The following TMPRSS9 variants were observed in gnomAD, a reference collection of about 807,000 sequenced individuals.
The protein encoded by TMPRSS9 is transmembrane protease serine 9.
Under a neutral mutation model 111.4 loss-of-function variants are expected in TMPRSS9, and 113 were observed. That is an observed-to-expected ratio of 1.01 (90% CI 0.87 to 1.19). TMPRSS9 has a LOEUF of 1.19. TMPRSS9 is among the 50% of genes most tolerant of loss of function. The probability of loss-of-function intolerance (pLI) is 0.00; values close to 1 mark genes in which losing one functional copy is unlikely to be tolerated. For synonymous variants in TMPRSS9, 805 were observed against 659.1 expected, an observed-to-expected ratio of 1.22 and a Z score of -3.39; for missense variants, 1,803 against 1,513.1, an observed-to-expected ratio of 1.19 and a Z score of -3.18.
intron 7 of TMPRSS9, 42 bp downstream of exon 8, chr19:2,405,587 T>C: frequency 2.0e-6 from 3 of 1,466,504 alleles, no homozygotes; most frequent in Non-Finnish European, 2.7e-6. Context: ...ACCCTCTGTA[T>C]TTCTCCTGCC....
chr19:2,388,216 A>T (rs1970515131), upstream of TMPRSS9, among the ~76,000 whole-genome samples: 1 of 151,776 alleles, frequency 6.6e-6, no homozygotes, highest in African/African-American at 2.4e-5. Flanking sequence ...GCATAGGAAG[A>T]CTCCCTCTCT....
At chr19:2,406,225 A>G (rs1400245533) in intron 7 of TMPRSS9, among the ~76,000 whole-genome samples, 3 of 149,838 alleles carry the variant, frequency 2.0e-5, no homozygotes, top group African/African-American at 4.9e-5. Context: ...TCACCATGTT[A>G]GTCAGGATGG....
At chr19:2,382,591 T>G (rs890629896) in intron 1 of TMPRSS9, among the ~76,000 whole-genome samples, 6 of 115,710 alleles carry the variant, frequency 5.2e-5, no homozygotes, top group Admixed American at 2.8e-4. Flanking sequence ...CAGATGCACA[T>G]GCACACACAC....
chr19:2,380,961 C>G (rs72989436), intron 1 of TMPRSS9, among the ~76,000 whole-genome samples: 2,568 of 152,212 alleles, frequency 0.017, 34 homozygotes, highest in Non-Finnish European at 0.026. Flanking sequence ...ACTCATCACT[C>G]TCTCAGAAAA....
At chr19:2,371,958 T>G (rs2145247628) in intron 1 of TMPRSS9, among the ~76,000 whole-genome samples, 1 of 152,284 alleles carries the variant, frequency 6.6e-6, no homozygotes, top group African/African-American at 2.4e-5. Flanking sequence ...TTCATGATTT[T>G]GGTGCGATCT....
rs748012323 is a variant in TMPRSS9 at position 2,418,027 on chromosome 19, G to A, written c.2043G>A (p.Lys681=). Residue 681 remains lysine, a synonymous_variant, in exon 13 of 18, where the codon AAG becomes AAA. Transcript: ENST00000648592. ...CCACCAAGCCCGAGCTCCTGCAGAA[G>A]GCGTCCGTGGGCATCATAGACCAGA... The A allele has an allele frequency of 3.3e-5, 53 of 1,611,634 alleles. No individual in the cohort carries two copies. In the Middle Eastern group the frequency reaches 2.8e-3, roughly 85 times the overall value.
At chr19:2,392,737 CTG>C (rs1446355647) in intron 1 of TMPRSS9, among the ~76,000 whole-genome samples, 3 of 152,102 alleles carry the variant, frequency 2.0e-5, no homozygotes, top group Non-Finnish European at 4.4e-5. Context: ...AATAAGCACT[CTG>C]TGTCTAGCTC....
At chr19:2,396,718 GC>G (rs1435100772) in intron 2 of TMPRSS9, 52 bp downstream of exon 3, 1 of 1,559,206 alleles carries the variant, frequency 6.4e-7, no homozygotes, top group Admixed American at 1.8e-5. Flanking sequence ...GTGGCCGGGG[GC>G]TTTGACCTGG....
chr19:2,406,764 A>T (rs1970978316), intron 7 of TMPRSS9, among the ~76,000 whole-genome samples: 1 of 147,018 alleles, frequency 6.8e-6, no homozygotes, highest in South Asian at 2.2e-4. Context: ...CATTTTTTGC[A>T]TTCACTTTGA....
intron 14 of TMPRSS9, 22 bp from the exon 16 acceptor site, chr19:2,424,067 C>T: frequency 1.6e-6 from 2 of 1,260,558 alleles, no homozygotes; most frequent in East Asian, 3.2e-5. Flanking sequence ...TCCGCCTGCC[C>T]ACGCGCCTGG....
intron 1 of TMPRSS9, among the ~76,000 whole-genome samples, chr19:2,377,448 TTCTCC>T (rs1970345670): frequency 1.0e-5 from 1 of 99,942 alleles, no homozygotes; most frequent in South Asian, 3.7e-4. Flanking sequence ...CTTTCTTTCC[TTCTCC>T]CCTCCCCTCT....
chr19:2,403,714 C>T (rs1970904925), intron 6 of TMPRSS9, among the ~76,000 whole-genome samples: 1 of 151,178 alleles, frequency 6.6e-6, no homozygotes, highest in Admixed American at 6.6e-5. Flanking sequence ...AAAAAATTGG[C>T]CAGGCACGGT....
chr19:2,395,127 A>C lies in TMPRSS9; in HGVS notation c.143-1412A>C, dbSNP rs1970680479. Among the ~76,000 whole-genome samples the C allele has an allele frequency of 2.0e-5, 3 of 152,268 alleles. No homozygotes were observed. The South Asian group carries it at 6.2e-4, about 32-fold the overall frequency. ...GAAACCCCATCTCTGCTAAAAATAC[A>C]AAAATTAACGCTGGGTGCAGTGGCT... On this transcript the variant is annotated intron_variant, in intron 1 of 17. Transcript: ENST00000648592.
At chr19:2,405,352 C>T in intron 6 of TMPRSS9, 22 bp from the exon 8 acceptor site, 1 of 1,576,756 alleles carries the variant, frequency 6.3e-7, no homozygotes, top group Non-Finnish European at 8.6e-7. Context: ...GGGGTCATGG[C>T]TGGTGACCTG....
chr19:2,424,947 CG>C lies in TMPRSS9; in HGVS notation c.2718-50del. 4.3e-6 allele frequency: 6 copies of C among 1,395,952 alleles called. No individual in the cohort carries two copies. The South Asian group carries it at 9.3e-5, about 22-fold the overall frequency. 86.5% of individuals were successfully genotyped at this position (1,395,952 alleles called of 1,614,324 possible). The stretch of plus-strand genomic sequence containing the variant: ...CGGCCGCTGGGGGACACCACAGGGG[CG>C]GGGGCCGGGGGCGTGGGGGCTCGGG... On this transcript the variant is annotated intron_variant, in intron 15 of 17. Coordinates refer to ENST00000648592, the Ensembl canonical transcript of TMPRSS9.
At chr19:2,422,954 G>A (rs1360377277) in intron 14 of TMPRSS9, among the ~76,000 whole-genome samples, 3 of 152,000 alleles carry the variant, frequency 2.0e-5, no homozygotes, top group Non-Finnish European at 4.4e-5. Context: ...CTACTGGGGA[G>A]GCTGAGACAG....
upstream of TMPRSS9, among the ~76,000 whole-genome samples, chr19:2,387,305 G>A (rs1464330276): frequency 3.3e-5 from 5 of 152,106 alleles, no homozygotes; most frequent in East Asian, 5.8e-4. Flanking sequence ...GACCAGCCTG[G>A]CCAACATGGC....
chr19:2,405,416 T>G (rs1380538579), exon 7 of TMPRSS9: 1 of 1,607,112 alleles, frequency 6.2e-7, no homozygotes. Flanking sequence ...GGCAGGATCG[T>G]GGGCGGCATG....
At chr19:2,420,276 T>TA (rs925528896) in intron 13 of TMPRSS9, among the ~76,000 whole-genome samples, 10 of 152,126 alleles carry the variant, frequency 6.6e-5, no homozygotes, top group African/African-American at 2.4e-4. Flanking sequence ...CTGTCTCTAC[T>TA]AAAAAACTAC....
Sources: allele counts gnomAD v4.1 joint callset (sites outside exome capture counted in the v4.1 genomes callset), GRCh38; gene constraint gnomAD v4.1.1; transcripts MANE v1.5; gene names NCBI Gene and HGNC (gene_info 2026-07-23, HGNC 2026-07-21).